ZNF804B: variants seen among roughly 807,000 people sequenced by gnomAD.
ZNF804B encodes the protein zinc finger 804B.
ZNF804B carries 80 observed loss-of-function variants against 101.4 expected under a neutral mutation model. That is an observed-to-expected ratio of 0.79 (90% CI 0.66 to 0.95). The LOEUF is 0.95. ZNF804B is among the 40% of genes least tolerant of loss of function. The pLI is 0.00. For synonymous variants in ZNF804B, 622 were observed against 558.8 expected, an observed-to-expected ratio of 1.11 and a Z score of -1.59; for missense variants, 1,673 against 1,561.9, an observed-to-expected ratio of 1.07 and a Z score of -1.20.
chr7:89,182,921 T>A (rs1562907954), intron 1 of ZNF804B, among the ~76,000 whole-genome samples: 2 of 152,152 alleles, frequency 1.3e-5, no homozygotes, highest in Non-Finnish European at 2.9e-5. Flanking sequence ...TCTAGCAAGA[T>A]ACTGGAATGA....
chr7:89,307,747 A>T (rs1790587164), intron 2 of ZNF804B, among the ~76,000 whole-genome samples: 1 of 152,092 alleles, frequency 6.6e-6, no homozygotes, highest in African/African-American at 2.4e-5. Flanking sequence ...GAAAATAACT[A>T]ATATAAACTT....
intron 1 of ZNF804B, among the ~76,000 whole-genome samples, chr7:88,824,487 T>C (rs1428035198): frequency 1.3e-5 from 2 of 152,184 alleles, no homozygotes; most frequent in Non-Finnish European, 2.9e-5. Flanking sequence ...CTCTTTCTTT[T>C]GTGAGTTATC....
intron 1 of ZNF804B, among the ~76,000 whole-genome samples, chr7:89,033,136 C>A (rs1003251722): frequency 2.0e-5 from 3 of 151,914 alleles, no homozygotes; most frequent in African/African-American, 7.2e-5. Flanking sequence ...CTCCTACTCC[C>A]CAGCCTCTGG....
intron 1 of ZNF804B, among the ~76,000 whole-genome samples, chr7:89,170,793 G>A (rs115698140): frequency 0.013 from 1,941 of 152,222 alleles, 39 homozygotes; most frequent in African/African-American, 0.044. Context: ...TCCCCTACAG[G>A]TGCCACCACC....
chr7:88,783,317 G>GT (rs1348431704), intron 1 of ZNF804B, among the ~76,000 whole-genome samples: 1 of 152,122 alleles, frequency 6.6e-6, no homozygotes, highest in African/African-American at 2.4e-5. Flanking sequence ...GGCAGTAGAA[G>GT]TGTAGTCCTG....
Position 88,991,674 on chromosome 7 carries a change from A to G in ZNF804B, c.109-226481A>G, listed in dbSNP as rs185467242. 3.1e-3 allele frequency among the ~76,000 whole-genome samples: 477 copies of G among 152,262 alleles called. 8 individuals are homozygous for G. The highest frequency in any genetic ancestry group is 0.011 in the African/African-American group (456 of 41,564). On this transcript the variant is annotated intron_variant, in intron 1 of 3. Transcript: ENST00000333190. ...TGGAGCAGTCATAGAGCAGTAATAG[A>G]GCAGTAACACTGCCACTTCAGTAAA...
intron 1 of ZNF804B, among the ~76,000 whole-genome samples, chr7:89,106,508 G>T (rs1790139138): frequency 6.6e-6 from 1 of 151,990 alleles, no homozygotes; most frequent in African/African-American, 2.4e-5. Flanking sequence ...AAATTGGAGA[G>T]TTAGATGAGA....
At chr7:89,326,809 A>G (rs901072093) in intron 2 of ZNF804B, among the ~76,000 whole-genome samples, 3 of 152,048 alleles carry the variant, frequency 2.0e-5, no homozygotes, top group East Asian at 1.9e-4. Context: ...CCTGGATACA[A>G]TATAGAAATA....
At chr7:88,873,327 T>G (rs1325271761) in intron 1 of ZNF804B, among the ~76,000 whole-genome samples, 1 of 152,218 alleles carries the variant, frequency 6.6e-6, no homozygotes, top group Non-Finnish European at 1.5e-5. Flanking sequence ...GTTTGATTTT[T>G]CTTGTAAATT....
In ZNF804B at chr7:88,977,576, A is replaced by G. The variant is rs201603588; in HGVS notation, c.108+217492A>G. 3.6e-4 allele frequency among the ~76,000 whole-genome samples: 54 copies of G among 151,538 alleles called. No individual in the cohort carries two copies. The East Asian group carries it at 9.2e-3, about 26-fold the overall frequency. ...TCTAATGAGCCTTTGAATTTTTGCA[A>G]TATCCATAGTAATGTCTCTATTTTA... On this transcript the variant is annotated intron_variant, in intron 1 of 3. Coordinates refer to ENST00000333190, the MANE Select transcript of ZNF804B (RefSeq NM_181646.5).
intron 2 of ZNF804B, among the ~76,000 whole-genome samples, chr7:89,325,718 G>C (rs559665000): frequency 6.6e-6 from 1 of 151,810 alleles, no homozygotes; most frequent in South Asian, 2.1e-4. Context: ...TATTATACAA[G>C]TTTTGTGTGC....
intron 1 of ZNF804B, among the ~76,000 whole-genome samples, chr7:89,073,991 A>G (rs925888576): frequency 2.0e-5 from 3 of 152,160 alleles, no homozygotes; most frequent in Admixed American, 6.6e-5. Context: ...GGACTGCCAA[A>G]GCCTACCACA....
intron 1 of ZNF804B, among the ~76,000 whole-genome samples, chr7:89,087,975 CAT>C (rs1789831673): frequency 7.2e-6 from 1 of 138,518 alleles, no homozygotes; most frequent in Non-Finnish European, 1.5e-5. Context: ...TAAGCTTACA[CAT>C]ATATGTATAT....
intron 1 of ZNF804B, among the ~76,000 whole-genome samples, chr7:88,942,108 T>G (rs1793062549): frequency 6.6e-6 from 1 of 151,896 alleles, no homozygotes; most frequent in African/African-American, 2.4e-5. Context: ...CAAACTCCCA[T>G]GAAATATGTA....
intron 1 of ZNF804B, among the ~76,000 whole-genome samples, chr7:89,058,550 G>T (rs1789330571): frequency 6.6e-6 from 1 of 152,038 alleles, no homozygotes. Flanking sequence ...ATTTTTTAAG[G>T]TTTTAACTTT....
chr7:88,854,387 ATTTCTTTCTTTCTTTCTTTCTTTCTTCC>A (rs1448911075), intron 1 of ZNF804B, among the ~76,000 whole-genome samples: 2 of 109,226 alleles, frequency 1.8e-5, no homozygotes, highest in African/African-American at 3.8e-5. Flanking sequence ...TCTGTACTGC[ATTTCTTTCTTTCTTTCTTTCTTTCTTCC>A]TTTCTTTCTT....
intron 3 of ZNF804B, among the ~76,000 whole-genome samples, chr7:89,328,491 G>T (rs1360745894): frequency 6.6e-6 from 1 of 151,836 alleles, no homozygotes; most frequent in Non-Finnish European, 1.5e-5. Context: ...ATACAAAAAT[G>T]CATGCTCTGG....
rs139667019 is a variant in ZNF804B at position 89,270,279 on chromosome 7, C to T, written c.249+51984C>T. Among the ~76,000 whole-genome samples the T allele has an allele frequency of 8.5e-4, 129 of 152,324 alleles. 1 individual carries two copies. Among genetic ancestry groups the T allele is most frequent in the African/African-American group, 2.5e-3 (105 of 41,562 alleles). ...GAAGGGATCCACTTTCAGCTTCCTA[C>T]ATATGGCTAGCCAGTTTCCCCAGCA... On this transcript the variant is annotated intron_variant, in intron 2 of 3. Transcript: ENST00000333190.
intron 2 of ZNF804B, among the ~76,000 whole-genome samples, chr7:89,273,013 AGT>A (rs1031329301): frequency 4.5e-4 from 68 of 152,136 alleles, no homozygotes; most frequent in African/African-American, 1.5e-3. Context: ...AAAAATAAAC[AGT>A]TGTTTTTTGT....
Sources: gnomAD v4.1 joint callset for allele counts (sites outside exome capture counted in the v4.1 genomes callset) on GRCh38, gnomAD v4.1.1 for gene constraint, MANE v1.5 for transcripts, NCBI Gene and HGNC (gene_info 2026-07-23, HGNC 2026-07-21) for gene names.